Variants in EIF4E3 observed in about 807,000 individuals in gnomAD.
EIF4E3 encodes the protein eukaryotic translation initiation factor 4E family member 3, also known as eukaryotic translation initiation factor 4E type 3.
A neutral mutation model predicts 31.7 loss-of-function variants in EIF4E3; 26 were observed. The observed-to-expected ratio is 0.82, with a 90% confidence interval of 0.60 to 1.14. EIF4E3 has a LOEUF of 1.14. EIF4E3 is among the 50% of genes most tolerant of loss of function. The pLI is 0.00. For missense variants in EIF4E3, 304 were observed against 270.9 expected (o/e 1.12, Z -0.86); for synonymous variants, 128 against 107.7 (o/e 1.19, Z -1.17).
At chr3:71,725,745 A>G (rs2049630064), upstream of EIF4E3, among the ~76,000 whole-genome samples, 1 of 152,038 alleles carries the variant, frequency 6.6e-6, no homozygotes. The surrounding 1 kb of genome is among the most constrained non-coding windows in gnomAD (Gnocchi z 6.1). Context: ...AGCCATGCAA[A>G]AGGGCAGCGG....
upstream of EIF4E3, chr3:71,754,664 C>A: frequency 6.7e-7 from 1 of 1,501,018 alleles, no homozygotes; most frequent in East Asian, 2.9e-5. This position sits in a 1 kb window ranked among gnomAD's most constrained non-coding sequence, Gnocchi z 5.8. Flanking sequence ...TCCGCCTGCT[C>A]TTCTTCATCC....
downstream of EIF4E3, among the ~76,000 whole-genome samples, chr3:71,674,804 G>A (rs143530963): frequency 2.2e-3 from 328 of 152,314 alleles, 2 homozygotes; most frequent in African/African-American, 7.6e-3. Flanking sequence ...GGGCTGAGCT[G>A]GGTGCTTCAT....
rs781387659 is a variant in EIF4E3, at chr3:71,693,906, G to A, written c.441C>T (p.Ile147=). 1.3e-5 allele frequency: 20 copies of A among 1,585,702 alleles called. No individual in the cohort carries two copies. Among genetic ancestry groups the A allele is most frequent in the Non-Finnish European group, 1.6e-5 (19 of 1,165,870 alleles). Residue 147 remains isoleucine (I), a synonymous_variant, in exon 5 of 7, where the codon ATC becomes ATT. Coordinates refer to ENST00000425534, the MANE Select transcript of EIF4E3 (RefSeq NM_001134651.2). ...CGGCACAGTCTGTGAACTGTTCCCC[G>A]ATGGTTGCTAACAGCAACTCTTTCC... ...TVWKELLLAT[I]GEQFTDCAAA...
Position 71,684,276 on chromosome 3 carries a change from G to A in EIF4E3, c.*406C>T. The stretch of plus-strand genomic sequence containing the variant: ...TCAAAAGCAGTATTGTCACGATTAT[G>A]CATATTCTCATTAACTAGGTACAGC... On this transcript the variant is annotated 3_prime_UTR_variant, in exon 7 of 7. Transcript: ENST00000425534. 1 of 179,402 alleles carries A rather than the reference G, an allele frequency of 5.6e-6. No individual in the cohort carries two copies. Among genetic ancestry groups the A allele is most frequent in the Non-Finnish European group, 1.2e-5 (1 of 83,514 alleles). 11.1% of individuals were successfully genotyped at this position (179,402 alleles called of 1,614,324 possible).
intron 2 of EIF4E3, among the ~76,000 whole-genome samples, chr3:71,705,738 C>A (rs1378791147): frequency 6.6e-6 from 1 of 152,184 alleles, no homozygotes; most frequent in Non-Finnish European, 1.5e-5. Context: ...TCACAAATGG[C>A]AGGTAGCTCT....
intron 1 of EIF4E3, among the ~76,000 whole-genome samples, chr3:71,738,755 A>G (rs2049789891): frequency 6.6e-6 from 1 of 152,074 alleles, no homozygotes; most frequent in Non-Finnish European, 1.5e-5. Flanking sequence ...ACTGCTAGAC[A>G]GAACATCAGC....
rs561222659 is a variant in EIF4E3 at position 71,693,861 on chromosome 3, G to A, written c.472+14C>T. ...ACACGAGGCAGGGCCGGCCGGAGCC[G>A]TGGGCTGCTTTACCTGCTGCGGCAC... On this transcript the variant is annotated intron_variant, in intron 5 of 6. Coordinates refer to ENST00000425534, the MANE Select transcript of EIF4E3 (RefSeq NM_001134651.2). 1.7e-5 allele frequency: 26 copies of A among 1,540,812 alleles called. No individual in the cohort carries two copies. In the Admixed American group the frequency reaches 3.3e-4, roughly 19 times the overall value.
At chr3:71,716,964 G>A (rs1384415351) in intron 1 of EIF4E3, among the ~76,000 whole-genome samples, 7 of 152,140 alleles carry the variant, frequency 4.6e-5, no homozygotes, top group Non-Finnish European at 5.9e-5. Context: ...TGCAGCCTAA[G>A]CTCATTAAGA....
rs1171257332 is a variant in EIF4E3, at chr3:71,725,196, C to T, written c.172G>A (p.Asp58Asn). 8.9e-7 allele frequency: 1 copy of T among 1,117,780 alleles called. No homozygotes were observed. Among genetic ancestry groups the T allele is most frequent in the African/African-American group, 1.7e-5 (1 of 59,490 alleles). The allele number at this position is 1,117,780 out of a possible 1,614,324, so 69.2% of individuals were successfully genotyped here. A position where few individuals can be genotyped will look rare whatever the true frequency, so the allele number is the denominator to read the frequency against. ...PLHSSWTFWL[D>N]RSLPGATAAE... ...GCGGGCCCCGCGCCCCCTCACCTGT[C>T]GAGCCAGAAGGTCCAGGACGAGTGC... The change falls in exon 1 of 7, where the codon GAC becomes AAC. Residue 58 changes from aspartate (D) to asparagine (N), a missense_variant. Physicochemically the swap from Asp to Asn is conservative, Grantham distance 23 (BLOSUM62 1). Transcript: ENST00000425534. This position sits in a 1 kb window ranked among gnomAD's most constrained non-coding sequence, Gnocchi z 6.1.
intron 5 of EIF4E3, among the ~76,000 whole-genome samples, chr3:71,692,609 T>C (rs1338977558): frequency 6.6e-6 from 1 of 152,056 alleles, no homozygotes; most frequent in African/African-American, 2.4e-5. Context: ...TTTTTTTTTT[T>C]TTTTGAAACA....
intron 1 of EIF4E3, among the ~76,000 whole-genome samples, chr3:71,751,273 A>C (rs949751499): frequency 3.9e-5 from 6 of 152,144 alleles, no homozygotes; most frequent in African/African-American, 7.2e-5. Flanking sequence ...CACTTACTTG[A>C]AAGTAAGTGT....
chr3:71,704,332 T>C (rs2049260421), intron 2 of EIF4E3, among the ~76,000 whole-genome samples: 1 of 152,146 alleles, frequency 6.6e-6, no homozygotes, highest in African/African-American at 2.4e-5. Context: ...TGGGGATGCC[T>C]AGACCAGAGG....
chr3:71,711,024 A>G (rs975537915), intron 1 of EIF4E3, among the ~76,000 whole-genome samples: 4 of 152,218 alleles, frequency 2.6e-5, no homozygotes, highest in African/African-American at 9.6e-5. Context: ...TTTAGAAAAT[A>G]CTTTCAGTTC....
At chr3:71,718,147 T>C (rs1447675522) in intron 1 of EIF4E3, among the ~76,000 whole-genome samples, 4 of 152,248 alleles carry the variant, frequency 2.6e-5, no homozygotes, top group African/African-American at 9.6e-5. Flanking sequence ...ATTTACAACA[T>C]CGGGCTCAGC....
rs947021503 is a variant in EIF4E3, at chr3:71,684,568, C to A, written c.*114G>T. ...ATTGCCCATCTGCAAGGACAGAAAC[C>A]CACTCTAAATTGACCAGCATCGGCT... On this transcript the variant is annotated 3_prime_UTR_variant, in exon 7 of 7. Transcript: ENST00000425534. 5.5e-6 allele frequency: 7 copies of A among 1,283,754 alleles called. No individual in the cohort carries two copies. Among genetic ancestry groups the A allele is most frequent in the Non-Finnish European group, 7.7e-6 (7 of 909,132 alleles). The allele number at this position is 1,283,754 out of a possible 1,614,324, so 79.5% of individuals were successfully genotyped here.
chr3:71,698,426 C>T (rs955018070), intron 3 of EIF4E3, among the ~76,000 whole-genome samples: 3 of 152,182 alleles, frequency 2.0e-5, no homozygotes, highest in Non-Finnish European at 4.4e-5. Flanking sequence ...TCATAGGTGT[C>T]CCTGTGGGGG....
downstream of EIF4E3, among the ~76,000 whole-genome samples, chr3:71,672,757 G>A (rs905799885): frequency 1.3e-5 from 2 of 152,172 alleles, no homozygotes; most frequent in African/African-American, 4.8e-5. Context: ...CCGCAGAGCT[G>A]CCTGTTCTCA....
At chr3:71,723,452 G>T (rs527449738) in intron 1 of EIF4E3, among the ~76,000 whole-genome samples, 186 of 152,306 alleles carry the variant, frequency 1.2e-3, no homozygotes, top group African/African-American at 4.4e-3. Context: ...TCGACCTTTA[G>T]AGAACAAAAA....
chr3:71,673,930 T>TA (rs36017704), downstream of EIF4E3, among the ~76,000 whole-genome samples: 3 of 126,762 alleles, frequency 2.4e-5, no homozygotes, highest in Non-Finnish European at 3.1e-5. Flanking sequence ...TATATATATA[T>TA]AAAAAACATA....
Sources: allele counts gnomAD v4.1 joint callset (sites outside exome capture counted in the v4.1 genomes callset), GRCh38; gene constraint gnomAD v4.1.1; non-coding constraint Gnocchi (gnomAD v3.1); transcripts MANE v1.5; gene names NCBI Gene and HGNC (gene_info 2026-07-23, HGNC 2026-07-21).